QDPR: variants seen among roughly 807,000 people sequenced by gnomAD.
QDPR encodes the protein quinoid dihydropteridine reductase.
In QDPR, 23 loss-of-function variants were observed where a neutral mutation model predicts 31.7. The ratio of observed to expected loss-of-function variants is 0.73; its 90% CI spans 0.52 to 1.03. QDPR has a LOEUF of 1.03. Ranked by LOEUF, QDPR falls within the 50% of genes least tolerant of loss-of-function variation. The pLI, the probability that QDPR is intolerant of heterozygous loss-of-function variation, is 0.00. For missense variants in QDPR, 324 were observed against 323.8 expected, an observed-to-expected ratio of 1.00 and a Z score of 0.00; for synonymous variants, 124 against 124.7, an observed-to-expected ratio of 0.99 and a Z score of 0.03.
At chr4:17,498,302 G>A (rs1168726457) in intron 4 of QDPR, among the ~76,000 whole-genome samples, 1 of 152,146 alleles carries the variant, frequency 6.6e-6, no homozygotes, top group Non-Finnish European at 1.5e-5. Flanking sequence ...GAGGGTCAAG[G>A]TCTCAAAGAG....
chr4:17,499,385 G>T (rs1418017552), intron 4 of QDPR, among the ~76,000 whole-genome samples: 4 of 152,100 alleles, frequency 2.6e-5, no homozygotes, highest in Admixed American at 2.0e-4. Context: ...TGGTCCTAGG[G>T]TTTTGTTTTT....
intron 3 of QDPR, among the ~76,000 whole-genome samples, chr4:17,503,387 T>A (rs1455525011): frequency 2.0e-5 from 3 of 152,218 alleles, no homozygotes; most frequent in Admixed American, 2.0e-4. Context: ...TCTTAGATAA[T>A]CACTGTTAAC....
intron 6 of QDPR, 74 bp downstream of exon 6, chr4:17,490,588 T>A: frequency 1.6e-6 from 2 of 1,275,890 alleles, no homozygotes; most frequent in Non-Finnish European, 2.3e-6. Context: ...AACACAGACT[T>A]GTCCTCTGGA....
intron 1 of QDPR, among the ~76,000 whole-genome samples, chr4:17,510,972 C>G (rs999231776): frequency 6.6e-6 from 1 of 152,198 alleles, no homozygotes; most frequent in Non-Finnish European, 1.5e-5. Context: ...TAAATGTACA[C>G]TATTTGGGTG....
chr4:17,492,157 G>C, intron 5 of QDPR, 75 bp downstream of exon 5: 1 of 1,305,434 alleles, frequency 7.7e-7, no homozygotes, highest in Non-Finnish European at 1.1e-6. Flanking sequence ...CCTGTGGAAA[G>C]CTACAGTCAG....
At chr4:17,509,493 A>G (rs374462460) in intron 1 of QDPR, 130 bp from the exon 2 acceptor site, 25 of 778,884 alleles carry the variant, frequency 3.2e-5, no homozygotes, top group African/African-American at 1.4e-4. Context: ...TTGGGAGCCA[A>G]TGTGGGAGGA....
At chr4:17,491,863 A>G (rs1718175731) in intron 5 of QDPR, among the ~76,000 whole-genome samples, 1 of 152,124 alleles carries the variant, frequency 6.6e-6, no homozygotes, top group South Asian at 2.1e-4. Context: ...GGGGATTAGC[A>G]TGCTTATAAA....
chr4:17,511,188 G>A (rs949283020), intron 1 of QDPR, among the ~76,000 whole-genome samples: 1 of 152,176 alleles, frequency 6.6e-6, no homozygotes, highest in East Asian at 1.9e-4. Context: ...CGCTGGCAGT[G>A]TCTCCACCGG....
At chr4:17,509,430 GA>G (rs1718917016) in intron 1 of QDPR, 67 bp from the exon 2 acceptor site, 8 of 1,404,736 alleles carry the variant, frequency 5.7e-6, no homozygotes, top group Non-Finnish European at 8.1e-6. Flanking sequence ...GTCACACATA[GA>G]AATGAGGGGA....
At chr4:17,487,676 C>T (rs1237120108) in intron 6 of QDPR, among the ~76,000 whole-genome samples, 1 of 151,736 alleles carries the variant, frequency 6.6e-6, no homozygotes, top group East Asian at 1.9e-4. Flanking sequence ...ATAAAAGCCA[C>T]TAAAGGTCAG....
At chr4:17,494,023 G>A (rs949814077) in intron 4 of QDPR, among the ~76,000 whole-genome samples, 2 of 152,136 alleles carry the variant, frequency 1.3e-5, no homozygotes, top group Non-Finnish European at 2.9e-5. Context: ...ATCAATAGAA[G>A]TAATGTGCCC....
Position 17,512,043 on chromosome 4 carries a change from C to T in QDPR, c.12G>A (p.Ala4=), listed in dbSNP as rs770608175. Residue 4 remains alanine, a synonymous_variant, in exon 1 of 7, where the codon GCG becomes GCA. Coordinates refer to ENST00000281243, the MANE Select transcript of QDPR (RefSeq NM_000320.3). MAA[A]AAAGEARRVL... ...CCCGGCGCGCCTCGCCTGCAGCCGC[C>T]GCCGCCGCCATCCTGCTCCTGCCAG... is the stretch of plus-strand genomic sequence containing the variant. 4 of 1,602,092 alleles carry T rather than the reference C, an allele frequency of 2.5e-6. No individual in the cohort carries two copies. The South Asian group carries it at 3.3e-5, about 13-fold the overall frequency.
At chr4:17,503,976 G>A (rs1213779411) in intron 3 of QDPR, among the ~76,000 whole-genome samples, 9 of 151,972 alleles carry the variant, frequency 5.9e-5, no homozygotes. Context: ...GAGTAGAGGG[G>A]AGGGGAGGGA....
At chr4:17,508,429 A>G (rs1057044113) in intron 2 of QDPR, among the ~76,000 whole-genome samples, 1 of 152,198 alleles carries the variant, frequency 6.6e-6, no homozygotes, top group Non-Finnish European at 1.5e-5. Context: ...GTAGAGCAAG[A>G]CTCTCTTAAA....
intron 6 of QDPR, among the ~76,000 whole-genome samples, chr4:17,488,359 G>A (rs532230863): frequency 1.4e-4 from 21 of 152,188 alleles, no homozygotes; most frequent in Admixed American, 5.2e-4. Context: ...ATAAATTTAT[G>A]AGAGAAACAG....
At chr4:17,505,576 G>A (rs1490115085) in intron 2 of QDPR, among the ~76,000 whole-genome samples, 3 of 152,294 alleles carry the variant, frequency 2.0e-5, no homozygotes, top group Admixed American at 2.0e-4. Context: ...ATCAGGCTGG[G>A]CACAGTGGCT....
intron 6 of QDPR, chr4:17,490,016 T>C (rs1223234888): frequency 6.3e-6 from 1 of 158,814 alleles, no homozygotes; most frequent in Non-Finnish European, 1.4e-5. Flanking sequence ...GATGAACACA[T>C]GCTTACTAAC....
At chr4:17,488,260 CA>C (rs747780691) in intron 6 of QDPR, among the ~76,000 whole-genome samples, 1,400 of 124,906 alleles carry the variant, frequency 0.011, 7 homozygotes, top group African/African-American at 0.033. Flanking sequence ...GACCCTGTCT[CA>C]AAAAAAAAAA....
At chr4:17,507,602 CTT>C (rs5856426) in intron 2 of QDPR, among the ~76,000 whole-genome samples, 119 of 143,678 alleles carry the variant, frequency 8.3e-4, no homozygotes, top group Middle Eastern at 3.5e-3. Context: ...ATTTTTCTTT[CTT>C]TTTTTTTTTT....
Sources: allele counts gnomAD v4.1 joint callset (sites outside exome capture counted in the v4.1 genomes callset), GRCh38; gene constraint gnomAD v4.1.1; transcripts MANE v1.5; gene names NCBI Gene and HGNC (gene_info 2026-07-23, HGNC 2026-07-21).